The following DRD1 variants were observed in gnomAD, a reference collection of about 807,000 sequenced individuals.
DRD1 encodes D(1A) dopamine receptor.
DRD1 carries 2 observed loss-of-function variants against 23.8 expected under a neutral mutation model. The observed-to-expected ratio is 0.08, with a 90% CI of 0.03 to 0.26. The LOEUF (loss-of-function observed/expected upper bound fraction) is 0.26. DRD1 is among the 10% of genes least tolerant of loss of function. The pLI is 1.00. For missense variants in DRD1, 376 were observed against 559.0 expected, an observed-to-expected ratio of 0.67 and a Z score of 3.30; for synonymous variants, 218 against 225.7, an observed-to-expected ratio of 0.97 and a Z score of 0.30.
In DRD1 at chr5:175,442,360, T is replaced by C; in HGVS notation, c.740A>G (p.Asn247Ser). ...HAKNCQTTTG[N>S]GKPVECSQPE... Reference sequence around the variant, plus strand: ...TTGAGAACATTCGACAGGCTTTCCATTACCTGTGGTGGTCTGGCAATTCTT... The same window carrying C: ...TTGAGAACATTCGACAGGCTTTCCACTACCTGTGGTGGTCTGGCAATTCTT... Residue 247 changes from asparagine (N) to serine (S), a missense_variant, in exon 2 of 2, where the codon AAT becomes AGT. Around this residue, in one of 5 missense-constraint regions of DRD1, gnomAD observed 44 missense variants for 46.7 expected, o/e 0.94. Transcript: ENST00000393752. The surrounding 1 kb of genome is among the most constrained non-coding windows in gnomAD (Gnocchi z 7.3). The C allele has an allele frequency of 1.2e-6, 2 of 1,614,180 alleles. No homozygotes were observed. Among genetic ancestry groups the C allele is most frequent in the Non-Finnish European group, 1.7e-6 (2 of 1,180,032 alleles).
rs1758569075 is a variant in DRD1, at chr5:175,443,925, T to C, written c.-710A>G. 6.5e-6 allele frequency: 1 copy of C among 152,754 alleles called. No individual in the cohort carries two copies. Among genetic ancestry groups the C allele is most frequent in the Admixed American group, 6.5e-5 (1 of 15,286 alleles). The allele number at this position is 152,754 out of a possible 1,614,324, so 9.5% of individuals were successfully genotyped here. On this transcript the variant is annotated 5_prime_UTR_variant, in exon 1 of 2. Transcript: ENST00000393752. ...GCCCACTTCCTTGAAGAGCTGGAGA[T>C]TGTTCAAAGGGCACTAGACCCCGGC...
In DRD1 at chr5:175,441,932, G is replaced by A; in HGVS notation, c.1168C>T (p.Leu390=). 6.2e-7 allele frequency: 1 copy of A among 1,614,172 alleles called. No homozygotes were observed. Among genetic ancestry groups the A allele is most frequent in the Non-Finnish European group, 8.5e-7 (1 of 1,180,010 alleles). ...SISKECNLVY[L]IPHAVGSSED... ...GAGGAGCCCACAGCATGTGGGATCA[G>A]GTAAACCAGATTGCACTCCTTGGAG... is the stretch of plus-strand genomic sequence containing the variant. Residue 390 remains leucine, a synonymous_variant, in exon 2 of 2, where the codon CTG becomes TTG. Coordinates refer to ENST00000393752, the MANE Select transcript of DRD1 (RefSeq NM_000794.5).
rs563201214 is a variant in DRD1, at chr5:175,443,162, G to A, written c.-63C>T. ...CTCAAGTTCCCAAGCAGGGAATAGGGGTCAGTCAGATTTCCAGGAGTCCTC... is the reference window on the plus strand; with the variant it reads ...CTCAAGTTCCCAAGCAGGGAATAGGAGTCAGTCAGATTTCCAGGAGTCCTC... On this transcript the variant is annotated 5_prime_UTR_variant, in exon 2 of 2. Transcript: ENST00000393752. 3.2e-6 allele frequency: 5 copies of A among 1,552,132 alleles called. No individual in the cohort carries two copies. Among genetic ancestry groups the A allele is most frequent in the Non-Finnish European group, 4.4e-6 (5 of 1,149,364 alleles).
In DRD1 at chr5:175,442,690, G is replaced by A. The variant is rs753660657; in HGVS notation, c.410C>T (p.Pro137Leu). Residue 137 changes from proline to leucine, a missense_variant, in exon 2 of 2, where the codon CCC becomes CTC. Pro to Leu is a moderately conservative substitution (Grantham distance 98). Transcript: ENST00000393752. This position sits in a 1 kb window ranked among gnomAD's most constrained non-coding sequence, Gnocchi z 7.3. ...ACTGATCAGGATGAAGGCTGCCTTG[G>A]GGGTCATCTTTCTCTCATACCGGAA... ...SPFRYERKMT[P>L]KAAFILISVA... The A allele has an allele frequency of 3.7e-6, 6 of 1,614,118 alleles. No individual in the cohort carries two copies. Among genetic ancestry groups the A allele is most frequent in the Non-Finnish European group, 4.2e-6 (5 of 1,180,034 alleles).
At position 175,442,039 on chromosome 5, in the gene DRD1, G is replaced by C. The variant is rs778418674; in HGVS notation, c.1061C>G (p.Thr354Arg). 6.2e-7 allele frequency: 1 copy of C among 1,614,084 alleles called. No individual in the cohort carries two copies. Among genetic ancestry groups the C allele is most frequent in the East Asian group, 2.2e-5 (1 of 44,864 alleles). ...ACTCACCGTCTCTATGGCATTATTCGTCGCAGGGCAAAGTCTGTAGCATCC... is the reference window on the plus strand; with the variant it reads ...ACTCACCGTCTCTATGGCATTATTCCTCGCAGGGCAAAGTCTGTAGCATCC... ...LLGCYRLCPATNNAIETVSIN... is the reference protein window; with the variant it reads ...LLGCYRLCPARNNAIETVSIN... Residue 354 changes from threonine (T) to arginine (R), a missense_variant, in exon 2 of 2, where the codon ACG (threonine) becomes AGG (arginine). Thr to Arg is a moderately conservative substitution (Grantham distance 71). Coordinates refer to ENST00000393752, the MANE Select transcript of DRD1 (RefSeq NM_000794.5). The surrounding 1 kb of genome is among the most constrained non-coding windows in gnomAD (Gnocchi z 7.3).
chr5:175,442,669 A>G lies in DRD1; in HGVS notation c.431T>C (p.Ile144Thr). The G allele has an allele frequency of 1.9e-6, 3 of 1,614,064 alleles. No individual in the cohort carries two copies. Among genetic ancestry groups the G allele is most frequent in the Non-Finnish European group, 2.5e-6 (3 of 1,180,030 alleles). ...TACAGACAAGGTCCATGCCACACTGATCAGGATGAAGGCTGCCTTGGGGGT... is the reference window on the plus strand; with the variant it reads ...TACAGACAAGGTCCATGCCACACTGGTCAGGATGAAGGCTGCCTTGGGGGT... ...KMTPKAAFIL[I>T]SVAWTLSVLI... Residue 144 changes from isoleucine (I) to threonine (T), a missense_variant, in exon 2 of 2, where the codon ATC (isoleucine) becomes ACC (threonine). Around this residue, in one of 5 missense-constraint regions of DRD1, gnomAD observed 121 missense variants for 239.4 expected, o/e 0.51. Coordinates refer to ENST00000393752, the MANE Select transcript of DRD1 (RefSeq NM_000794.5). This position sits in a 1 kb window ranked among gnomAD's most constrained non-coding sequence, Gnocchi z 7.3.
Position 175,441,967 on chromosome 5 carries a change from C to T in DRD1, c.1133G>A (p.Arg378Gln), listed in dbSNP as rs771907312. 1.9e-6 allele frequency: 3 copies of T among 1,614,134 alleles called. No individual in the cohort carries two copies. The highest frequency in any genetic ancestry group is 4.5e-5 in the East Asian group (2 of 44,866). ...AAMFSSHHEPRGSISKECNLV... is the reference protein window; with the variant it reads ...AAMFSSHHEPQGSISKECNLV... ...ATTGCACTCCTTGGAGATGGAGCCT[C>T]GTGGCTCATGATGGCTGGAAAACAT... The change falls in exon 2 of 2, where the codon CGA becomes CAA. Residue 378 changes from arginine to glutamine, a missense_variant. Physicochemically the swap from Arg to Gln is conservative, Grantham distance 43. This residue lies in a region of DRD1 where 117 missense variants were observed against 126.9 expected (regional missense o/e 0.92). Transcript: ENST00000393752.
rs1426196206 is a variant in DRD1, at chr5:175,441,118, A to G, written c.*641T>C. ...CTTATAAAGTGCTAGTTAAATGGCC[A>G]GAAATGTGGTTGTAAGGTCTTGGAT... On this transcript the variant is annotated 3_prime_UTR_variant, in exon 2 of 2. Transcript: ENST00000393752. The G allele has an allele frequency of 6.6e-6, 1 of 152,538 alleles. No homozygotes were observed. The highest frequency in any genetic ancestry group is 6.5e-5 in the Admixed American group (1 of 15,282). 9.4% of individuals were successfully genotyped at this position (152,538 alleles called of 1,614,324 possible).
chr5:175,442,592 T>C lies in DRD1; in HGVS notation c.508A>G (p.Ser170Gly). ...GAAGTGGCATTTCCATCAGAGGGGCTTGTGGGTTTTGCCTTGTGCCAGCTG... is the reference window on the plus strand; with the variant it reads ...GAAGTGGCATTTCCATCAGAGGGGCCTGTGGGTTTTGCCTTGTGCCAGCTG... ...QLSWHKAKPT[S>G]PSDGNATSLA... Residue 170 changes from serine (S) to glycine (G), a missense_variant, in exon 2 of 2, where the codon AGC (serine) becomes GGC (glycine). Transcript: ENST00000393752. This position sits in a 1 kb window ranked among gnomAD's most constrained non-coding sequence, Gnocchi z 7.3. 7 of 1,614,158 alleles carry C rather than the reference T, an allele frequency of 4.3e-6. No individual in the cohort carries two copies. The highest frequency in any genetic ancestry group is 5.9e-6 in the Non-Finnish European group (7 of 1,180,034).
rs141052935 is a variant in DRD1, at chr5:175,442,905, G to A, written c.195C>T (p.Ser65=). ...RSKVTNFFVI[S]LAVSDLLVAV... Reference sequence around the variant, plus strand: ...CCACCAAGAGATCTGACACAGCCAAGGAGATGACAAAGAAGTTGGTCACCT... The same window carrying A: ...CCACCAAGAGATCTGACACAGCCAAAGAGATGACAAAGAAGTTGGTCACCT... The change falls in exon 2 of 2, where the codon TCC becomes TCT. Residue 65 remains serine, a synonymous_variant. Transcript: ENST00000393752. This position sits in a 1 kb window ranked among gnomAD's most constrained non-coding sequence, Gnocchi z 7.3. 6.2e-7 allele frequency: 1 copy of A among 1,614,112 alleles called. No individual in the cohort carries two copies. The highest frequency in any genetic ancestry group is 8.5e-7 in the Non-Finnish European group (1 of 1,180,034).
chr5:175,442,005 G>A lies in DRD1; in HGVS notation c.1095C>T (p.Asn365=), dbSNP rs1758529987. 6.2e-7 allele frequency: 1 copy of A among 1,614,060 alleles called. No individual in the cohort carries two copies. The highest frequency in any genetic ancestry group is 1.7e-5 in the Admixed American group (1 of 60,002). The change falls in exon 2 of 2, where the codon AAC becomes AAT. Residue 365 remains asparagine (N), a synonymous_variant. Transcript: ENST00000393752. This position sits in a 1 kb window ranked among gnomAD's most constrained non-coding sequence, Gnocchi z 7.3. ...NNAIETVSIN[N]NGAAMFSSHH... ...GGCTGGAAAACATCGCGGCCCCATTGTTATTGATACTCACCGTCTCTATGG... is the reference window on the plus strand; with the variant it reads ...GGCTGGAAAACATCGCGGCCCCATTATTATTGATACTCACCGTCTCTATGG...
chr5:175,441,681 A>T lies in DRD1; in HGVS notation c.*78T>A. 6.7e-7 allele frequency: 1 copy of T among 1,491,410 alleles called. No homozygotes were observed. The highest frequency in any genetic ancestry group is 1.4e-5 in the South Asian group (1 of 73,218). 92.4% of individuals were successfully genotyped at this position (1,491,410 alleles called of 1,614,324 possible). A position where few individuals can be genotyped will look rare whatever the true frequency, so the allele number is the denominator to read the frequency against. On this transcript the variant is annotated 3_prime_UTR_variant, in exon 2 of 2. Coordinates refer to ENST00000393752, the MANE Select transcript of DRD1 (RefSeq NM_000794.5). ...ACACCTCAGAGTCTCACCGTACCTT[A>T]GTTTCTTAATAGCAAGCCCCAGAGC...
chr5:175,442,955 T>A lies in DRD1; in HGVS notation c.145A>T (p.Ile49Phe). The A allele has an allele frequency of 6.2e-7, 1 of 1,613,768 alleles. No homozygotes were observed. Among genetic ancestry groups the A allele is most frequent in the Non-Finnish European group, 8.5e-7 (1 of 1,180,000 alleles). Residue 49 changes from isoleucine to phenylalanine, a missense_variant, in exon 2 of 2, where the codon ATC (isoleucine) becomes TTC (phenylalanine). By Grantham distance (21) the Ile-to-Phe change is conservative (BLOSUM62 0). Coordinates refer to ENST00000393752, the MANE Select transcript of DRD1 (RefSeq NM_000794.5). This position sits in a 1 kb window ranked among gnomAD's most constrained non-coding sequence, Gnocchi z 7.3. ...TTGGACCGCAGGTGTCGGAACCTGA[T>A]AACGGCAGCACAGACCAGCGTGTTC... Reference protein sequence around the residue: ...LGNTLVCAAVIRFRHLRSKVT... With the variant: ...LGNTLVCAAVFRFRHLRSKVT...
rs1172461998 is a variant in DRD1 at position 175,441,109 on chromosome 5, TA to T, written c.*649del. On this transcript the variant is annotated 3_prime_UTR_variant, in exon 2 of 2. Coordinates refer to ENST00000393752, the MANE Select transcript of DRD1 (RefSeq NM_000794.5). ...CTTCATTGGCTTATAAAGTGCTAGTTAAATGGCCAGAAATGTGGTTGTAAGG... is the reference window on the plus strand; with the variant it reads ...CTTCATTGGCTTATAAAGTGCTAGTTAATGGCCAGAAATGTGGTTGTAAGG... 1 of 152,508 alleles carries T rather than the reference TA, an allele frequency of 6.6e-6. No individual in the cohort carries two copies. Among genetic ancestry groups the T allele is most frequent in the African/African-American group, 2.4e-5 (1 of 41,432 alleles). 9.4% of individuals were successfully genotyped at this position (152,508 alleles called of 1,614,324 possible).
rs1367274943 is a variant in DRD1, at chr5:175,440,057, T to G, written c.*1702A>C. On this transcript the variant is annotated 3_prime_UTR_variant, in exon 2 of 2. Transcript: ENST00000393752. ...TTGATTTGAGTTCACAAAATATTTT[T>G]ATTATGTGTAAGAAAGCATACAGCC... The G allele has an allele frequency of 6.6e-6, 1 of 152,216 alleles. No individual in the cohort carries two copies. Among genetic ancestry groups the G allele is most frequent in the Non-Finnish European group, 1.5e-5 (1 of 68,046 alleles). The allele number at this position is 152,216 out of a possible 1,614,324, so 9.4% of individuals were successfully genotyped here.
At position 175,441,977 on chromosome 5, in the gene DRD1, G is replaced by A; in HGVS notation, c.1123C>T (p.His375Tyr). The A allele has an allele frequency of 6.2e-7, 1 of 1,614,196 alleles. No homozygotes were observed. The highest frequency in any genetic ancestry group is 8.5e-7 in the Non-Finnish European group (1 of 1,180,040). ...NNGAAMFSSHHEPRGSISKEC... is the reference protein window; with the variant it reads ...NNGAAMFSSHYEPRGSISKEC... ...TTGGAGATGGAGCCTCGTGGCTCATGATGGCTGGAAAACATCGCGGCCCCA... is the reference window on the plus strand; with the variant it reads ...TTGGAGATGGAGCCTCGTGGCTCATAATGGCTGGAAAACATCGCGGCCCCA... The change falls in exon 2 of 2, where the codon CAT becomes TAT. Residue 375 changes from histidine to tyrosine, a missense_variant. By Grantham distance (83) the His-to-Tyr change is moderately conservative. Coordinates refer to ENST00000393752, the MANE Select transcript of DRD1 (RefSeq NM_000794.5).
In DRD1 at chr5:175,443,889, A is replaced by AGGC. The variant is rs1350889621; in HGVS notation, c.-677_-675dup. The AGGC allele has an allele frequency of 2.6e-5, 4 of 153,222 alleles. No individual in the cohort carries two copies. Among genetic ancestry groups the AGGC allele is most frequent in the Non-Finnish European group, 2.9e-5 (2 of 68,942 alleles). The allele number at this position is 153,222 out of a possible 1,614,324, so 9.5% of individuals were successfully genotyped here. A position where few individuals can be genotyped will look rare whatever the true frequency, so the allele number is the denominator to read the frequency against. On this transcript the variant is annotated 5_prime_UTR_variant, in exon 1 of 2. Coordinates refer to ENST00000393752, the MANE Select transcript of DRD1 (RefSeq NM_000794.5). ...AGGATCCCAGGCCAGGTCCCAAGAGAGGCGGCGGCAGCCCACTTCCTTGAA... is the reference window on the plus strand; with the variant it reads ...AGGATCCCAGGCCAGGTCCCAAGAGAGGCGGCGGCGGCAGCCCACTTCCTTGAA...
Position 175,442,402 on chromosome 5 carries a change from C to T in DRD1, c.698G>A (p.Arg233Lys). ...GCAATTCTTGGCGTGGACTGCTGCC[C>T]TCTCCAAGGCCGCAATGCGCCGTAT... ...KQIRRIAALE[R>K]AAVHAKNCQT... The change falls in exon 2 of 2, where the codon AGG becomes AAG. Residue 233 changes from arginine to lysine, a missense_variant. Coordinates refer to ENST00000393752, the MANE Select transcript of DRD1 (RefSeq NM_000794.5). The surrounding 1 kb of genome is among the most constrained non-coding windows in gnomAD (Gnocchi z 7.3). The T allele has an allele frequency of 6.2e-7, 1 of 1,614,206 alleles. No individual in the cohort carries two copies. Among genetic ancestry groups the T allele is most frequent in the Non-Finnish European group, 8.5e-7 (1 of 1,180,042 alleles).
At position 175,440,578 on chromosome 5, in the gene DRD1, G is replaced by A. The variant is rs1758503914; in HGVS notation, c.*1181C>T. The stretch of plus-strand genomic sequence containing the variant: ...CTGGTTTGGTTTGACCTGGTAAGAT[G>A]GAAATGCAGGGTTTGAGTTTGGTCC... On this transcript the variant is annotated 3_prime_UTR_variant, in exon 2 of 2. Coordinates refer to ENST00000393752, the MANE Select transcript of DRD1 (RefSeq NM_000794.5). 1 of 152,640 alleles carries A rather than the reference G, an allele frequency of 6.6e-6. No homozygotes were observed. The highest frequency in any genetic ancestry group is 2.4e-5 in the African/African-American group (1 of 41,454). 9.5% of individuals were successfully genotyped at this position (152,640 alleles called of 1,614,324 possible).
Sources: allele counts gnomAD v4.1 joint callset, GRCh38; gene constraint gnomAD v4.1.1; regional missense constraint gnomAD v4.1.1; non-coding constraint Gnocchi (gnomAD v3.1); transcripts MANE v1.5; gene names NCBI Gene and HGNC (gene_info 2026-07-23, HGNC 2026-07-21).